RB1: variants seen among roughly 807,000 people sequenced by gnomAD.
The protein encoded by RB1 is retinoblastoma-associated protein.
RB1 carries 18 observed loss-of-function variants against 135.4 expected under a neutral mutation model. The observed-to-expected ratio is 0.13, with a 90% CI of 0.09 to 0.20. The LOEUF is 0.20. RB1 is among the 10% of genes least tolerant of loss of function. RB1 has a pLI of 1.00. For missense variants in RB1, 868 were observed against 1,110.0 expected (o/e 0.78, Z 3.10); for synonymous variants, 365 against 373.2 (o/e 0.98, Z 0.25).
intron 12 of RB1, among the ~76,000 whole-genome samples, chr13:48,376,174 G>C (rs982011173): frequency 6.6e-6 from 1 of 152,000 alleles, no homozygotes; most frequent in South Asian, 2.1e-4. Flanking sequence ...AAATGATTTA[G>C]CTAATTCATA....
At chr13:48,402,729 A>AT (rs138110596) in intron 17 of RB1, among the ~76,000 whole-genome samples, 2 of 151,896 alleles carry the variant, frequency 1.3e-5, no homozygotes, top group Non-Finnish European at 1.5e-5. Flanking sequence ...ATGCAGGTCC[A>AT]TTTTTTCCCC....
intron 1 of RB1, among the ~76,000 whole-genome samples, 200 bp from the exon 2 acceptor site, chr13:48,307,080 A>G (rs1204512997): frequency 1.3e-5 from 2 of 152,148 alleles, no homozygotes; most frequent in African/African-American, 4.8e-5. Flanking sequence ...TGGTATCCTT[A>G]TTTTGGAATG....
chr13:48,370,550 A>G (rs982806653), intron 11 of RB1, among the ~76,000 whole-genome samples: 3 of 152,170 alleles, frequency 2.0e-5, no homozygotes, highest in Non-Finnish European at 2.9e-5. Flanking sequence ...ACTCAAGGAA[A>G]CACTTCTGTT....
At chr13:48,421,781 C>T (rs1272294678) in intron 17 of RB1, among the ~76,000 whole-genome samples, 3 of 152,090 alleles carry the variant, frequency 2.0e-5, no homozygotes, top group Non-Finnish European at 4.4e-5. Flanking sequence ...TCATCATCAG[C>T]GGTCATTAAT....
At chr13:48,426,298 A>T (rs75601896) in intron 17 of RB1, among the ~76,000 whole-genome samples, 7,740 of 152,298 alleles carry the variant, frequency 0.051, 558 homozygotes, top group African/African-American at 0.14. Context: ...GTGGGAAATC[A>T]TGGAACAATA....
At chr13:48,416,027 T>C (rs957821564) in intron 17 of RB1, among the ~76,000 whole-genome samples, 3 of 152,190 alleles carry the variant, frequency 2.0e-5, no homozygotes, top group Non-Finnish European at 2.9e-5. Context: ...TCAGGCAAAC[T>C]GTTATTTTAA....
chr13:48,377,824 T>C (rs1388583420), intron 13 of RB1, among the ~76,000 whole-genome samples: 2 of 152,194 alleles, frequency 1.3e-5, no homozygotes, highest in African/African-American at 2.4e-5. Context: ...TAGCCGATTG[T>C]ACATCTAAGC....
intron 17 of RB1, among the ~76,000 whole-genome samples, chr13:48,383,221 A>G (rs899624051): frequency 6.6e-6 from 1 of 152,106 alleles, no homozygotes; most frequent in African/African-American, 2.4e-5. Flanking sequence ...AAGTATAAAA[A>G]TGTATACTAT....
intron 2 of RB1, among the ~76,000 whole-genome samples, chr13:48,308,975 A>T (rs968867622): frequency 6.6e-6 from 1 of 152,130 alleles, no homozygotes; most frequent in Admixed American, 6.5e-5. Context: ...GTGATAGTAT[A>T]ATATTTTAGC....
chr13:48,406,662 A>G (rs1397722295), intron 17 of RB1: 1 of 152,180 alleles, frequency 6.6e-6, no homozygotes, highest in Admixed American at 6.5e-5. Context: ...GCCACTTTGA[A>G]TGTTTTAATT....
intron 2 of RB1, among the ~76,000 whole-genome samples, chr13:48,321,792 G>A (rs986503313): frequency 1.3e-5 from 2 of 152,106 alleles, no homozygotes; most frequent in African/African-American, 4.8e-5. Flanking sequence ...GGAGGCGGAG[G>A]TTGCAGTGAG....
Position 48,368,563 on chromosome 13 carries a change from T to G in RB1, c.1086T>G (p.Leu362=), listed in dbSNP as rs1212481028. ...ETQRTPRKSN[L]DEEVNVIPPH... ...AGAGAACACCACGAAAAAGTAACCTTGATGAAGAGGTGAATGTAATTCCTC... is the reference window on the plus strand; with the variant it reads ...AGAGAACACCACGAAAAAGTAACCTGGATGAAGAGGTGAATGTAATTCCTC... Residue 362 remains leucine, a synonymous_variant, in exon 11 of 27, where the codon CTT becomes CTG. Coordinates refer to ENST00000267163, the MANE Select transcript of RB1 (RefSeq NM_000321.3). The G allele has an allele frequency of 3.1e-6, 5 of 1,613,546 alleles. No individual in the cohort carries two copies. The highest frequency in any genetic ancestry group is 2.2e-5 in the East Asian group (1 of 44,718).
intron 17 of RB1, among the ~76,000 whole-genome samples, chr13:48,417,894 A>G (rs1269713228): frequency 2.6e-5 from 4 of 152,198 alleles, no homozygotes; most frequent in Admixed American, 6.5e-5. Flanking sequence ...GACCAAACCT[A>G]TGTTTGATTG....
At chr13:48,315,019 A>C (rs1184100682) in intron 2 of RB1, among the ~76,000 whole-genome samples, 1 of 151,982 alleles carries the variant, frequency 6.6e-6, no homozygotes, top group Non-Finnish European at 1.5e-5. Flanking sequence ...GCTCTTTTTC[A>C]GTTCCATATG....
At chr13:48,387,959 G>A (rs1431513758) in intron 17 of RB1, among the ~76,000 whole-genome samples, 2 of 152,068 alleles carry the variant, frequency 1.3e-5, no homozygotes, top group Non-Finnish European at 2.9e-5. Flanking sequence ...CCTGAGTCTT[G>A]AAATGCTTTC....
rs1952832828 is a variant in RB1, at chr13:48,377,047, C to T, written c.1332+13C>T. The T allele has an allele frequency of 6.2e-7, 1 of 1,607,068 alleles. No homozygotes were observed. The highest frequency in any genetic ancestry group is 1.3e-5 in the African/African-American group (1 of 74,794). On this transcript the variant is annotated intron_variant, in intron 13 of 26. Coordinates refer to ENST00000267163, the MANE Select transcript of RB1 (RefSeq NM_000321.3). Reference sequence around the variant, plus strand: ...AATTGGATCACAGGTAACTTGAATTCATTGTAATTCGTGGTACTATAGAGT... The same window carrying T: ...AATTGGATCACAGGTAACTTGAATTTATTGTAATTCGTGGTACTATAGAGT...
chr13:48,317,324 T>A (rs1275322049), intron 2 of RB1: 14 of 390,974 alleles, frequency 3.6e-5, no homozygotes, highest in Non-Finnish European at 1.8e-5. Context: ...TCGGACCCCT[T>A]GTCTTTCCCG....
intron 17 of RB1, chr13:48,445,047 A>G (rs1949275085): frequency 6.6e-6 from 1 of 152,036 alleles, no homozygotes; most frequent in South Asian, 2.1e-4. Context: ...TATGCATACA[A>G]CCCCAAAGTT....
chr13:48,361,537 A>T (rs1952639679), intron 7 of RB1, among the ~76,000 whole-genome samples: 1 of 152,178 alleles, frequency 6.6e-6, no homozygotes, highest in African/African-American at 2.4e-5. Flanking sequence ...ATCTCTAAAA[A>T]ATACTTTTTA....
Sources: gnomAD v4.1 joint callset for allele counts (sites outside exome capture counted in the v4.1 genomes callset) on GRCh38, gnomAD v4.1.1 for gene constraint, MANE v1.5 for transcripts, NCBI Gene and HGNC (gene_info 2026-07-23, HGNC 2026-07-21) for gene names.